Variants in WDR7 observed in about 807,000 individuals in gnomAD.
WDR7 encodes the protein WD repeat-containing protein 7.
A neutral mutation model predicts 169.4 loss-of-function variants in WDR7; 46 were observed. That is an observed-to-expected ratio of 0.27 (90% confidence interval 0.21 to 0.35). WDR7 has a LOEUF of 0.35. WDR7 is among the 10% of genes least tolerant of loss of function. The pLI, the probability that WDR7 is intolerant of heterozygous loss-of-function variation, is 1.00. For missense variants in WDR7, 1,534 were observed against 1,859.3 expected, an observed-to-expected ratio of 0.83 and a Z score of 3.22; for synonymous variants, 612 against 666.8, an observed-to-expected ratio of 0.92 and a Z score of 1.27.
chr18:56,736,546 A>G lies in WDR7; in HGVS notation c.1989+4949A>G, dbSNP rs963863870. 1.2e-4 allele frequency among the ~76,000 whole-genome samples: 18 copies of G among 151,250 alleles called. 1 individual carries two copies. The highest frequency in any genetic ancestry group is 4.1e-4 in the African/African-American group (17 of 41,026). ...ATGAGCCAGTGAGAAGCAGAGAAAGAGAAATCATACAGACGGATTCTAGAT... is the reference window on the plus strand; with the variant it reads ...ATGAGCCAGTGAGAAGCAGAGAAAGGGAAATCATACAGACGGATTCTAGAT... On this transcript the variant is annotated intron_variant, in intron 14 of 27. Transcript: ENST00000254442.
At chr18:56,688,250 A>T (rs758636111) in intron 7 of WDR7, among the ~76,000 whole-genome samples, 6 of 152,108 alleles carry the variant, frequency 3.9e-5, no homozygotes, top group Non-Finnish European at 7.3e-5. Flanking sequence ...TGAGCTTAGA[A>T]CACAAGGGGA....
At chr18:56,792,897 T>C (rs2044516893) in intron 19 of WDR7, among the ~76,000 whole-genome samples, 1 of 152,172 alleles carries the variant, frequency 6.6e-6, no homozygotes, top group Admixed American at 6.5e-5. Context: ...TTTGTTGTCA[T>C]GCGGGACAAC....
downstream of WDR7, chr18:57,030,712 TC>T (rs2048436672): frequency 6.6e-6 from 1 of 152,136 alleles, no homozygotes; most frequent in African/African-American, 2.4e-5. Flanking sequence ...GCCAAGATAA[TC>T]CAAGCTGCAC....
At chr18:56,843,019 C>CT (rs1300117327) in intron 20 of WDR7, among the ~76,000 whole-genome samples, 1 of 152,034 alleles carries the variant, frequency 6.6e-6, no homozygotes, top group East Asian at 1.9e-4. Flanking sequence ...TAAACTAGTG[C>CT]TATAAGCAGC....
intron 20 of WDR7, among the ~76,000 whole-genome samples, chr18:56,851,696 G>T (rs746764679): frequency 3.3e-5 from 5 of 152,020 alleles, no homozygotes; most frequent in African/African-American, 7.3e-5. Context: ...AAAATGTCAG[G>T]GTTATGAATG....
chr18:56,821,877 T>C (rs1466761471), intron 20 of WDR7, among the ~76,000 whole-genome samples: 2 of 151,872 alleles, frequency 1.3e-5, no homozygotes, highest in Non-Finnish European at 2.9e-5. Flanking sequence ...TGCGCACCTG[T>C]GGTCCCAGCT....
Position 56,682,928 on chromosome 18 carries a change from A to G in WDR7, c.520+75A>G, listed in dbSNP as rs1252756898. ...AGTTTACTAGAACATTCTACAATTT[A>G]TCATAAATTAATACTTTGGGATATA... is the stretch of plus-strand genomic sequence containing the variant. On this transcript the variant is annotated intron_variant, in intron 5 of 27. Coordinates refer to ENST00000254442, the MANE Select transcript of WDR7 (RefSeq NM_015285.3). 10 of 1,423,298 alleles carry G rather than the reference A, an allele frequency of 7.0e-6. No homozygotes were observed. In the East Asian group the frequency reaches 1.6e-4, roughly 23 times the overall value. 88.2% of individuals were successfully genotyped at this position (1,423,298 alleles called of 1,614,324 possible).
chr18:56,998,730 A>G (rs963499234), intron 26 of WDR7, among the ~76,000 whole-genome samples: 2 of 152,234 alleles, frequency 1.3e-5, no homozygotes, highest in Non-Finnish European at 2.9e-5. Context: ...TAAATTGTGT[A>G]CATAGAATGT....
chr18:56,915,574 C>T (rs1487662180), intron 21 of WDR7, among the ~76,000 whole-genome samples: 1 of 152,054 alleles, frequency 6.6e-6, no homozygotes, highest in Admixed American at 6.6e-5. Flanking sequence ...TGATGATTTT[C>T]TTTTAAGTAT....
intron 20 of WDR7, among the ~76,000 whole-genome samples, chr18:56,845,982 A>G (rs1293581818): frequency 6.6e-6 from 1 of 152,206 alleles, no homozygotes; most frequent in Non-Finnish European, 1.5e-5. Flanking sequence ...TTTAGTGAAC[A>G]TTGCTTTTTA....
At chr18:56,780,143 A>G (rs2044295243) in intron 18 of WDR7, among the ~76,000 whole-genome samples, 1 of 152,232 alleles carries the variant, frequency 6.6e-6, no homozygotes, top group South Asian at 2.1e-4. Context: ...CAGGAAGTAC[A>G]GTACCTGACA....
chr18:56,861,247 C>G (rs187562838), intron 20 of WDR7, among the ~76,000 whole-genome samples: 1 of 152,068 alleles, frequency 6.6e-6, no homozygotes, highest in Non-Finnish European at 1.5e-5. Flanking sequence ...TTTTTCATGC[C>G]GGCGTGTGAG....
intron 20 of WDR7, among the ~76,000 whole-genome samples, chr18:56,817,161 A>C (rs780568436): frequency 6.6e-6 from 1 of 152,030 alleles, no homozygotes; most frequent in South Asian, 2.1e-4. Flanking sequence ...CCTGGCCAAC[A>C]TGGCAAAATC....
chr18:56,860,304 A>G (rs1280976115), intron 20 of WDR7, among the ~76,000 whole-genome samples: 1 of 152,202 alleles, frequency 6.6e-6, no homozygotes, highest in Non-Finnish European at 1.5e-5. Flanking sequence ...TCATGAGTGC[A>G]TGCTTCAATA....
At chr18:56,884,010 TTCC>T (rs2046151129) in intron 21 of WDR7, among the ~76,000 whole-genome samples, 1 of 152,018 alleles carries the variant, frequency 6.6e-6, no homozygotes, top group Non-Finnish European at 1.5e-5. Context: ...ATGACTTGTT[TTCC>T]TCTGGGTAGA....
intron 7 of WDR7, among the ~76,000 whole-genome samples, chr18:56,688,559 T>C (rs3017383): frequency 5.9e-5 from 1 of 16,982 alleles, no homozygotes; most frequent in African/African-American, 1.4e-4. Context: ...CTACTAAAAA[T>C]ACAAAAAAAA....
chr18:56,908,345 C>T (rs548134339), intron 21 of WDR7, among the ~76,000 whole-genome samples: 1 of 152,298 alleles, frequency 6.6e-6, no homozygotes, highest in South Asian at 2.1e-4. Context: ...CCTTGGGAAA[C>T]TCTGCCAATC....
At chr18:56,906,565 T>C (rs2046479664) in intron 21 of WDR7, among the ~76,000 whole-genome samples, 2 of 145,712 alleles carry the variant, frequency 1.4e-5, no homozygotes, top group Admixed American at 1.4e-4. Flanking sequence ...TTTTTTGAGA[T>C]GGAATTTCAC....
At chr18:56,967,685 C>T (rs1339511468) in intron 26 of WDR7, among the ~76,000 whole-genome samples, 6 of 152,168 alleles carry the variant, frequency 3.9e-5, no homozygotes, top group South Asian at 2.1e-4. Context: ...TAGCTTTCCT[C>T]GTGAAGTTTG....
Sources: allele counts gnomAD v4.1 joint callset (sites outside exome capture counted in the v4.1 genomes callset), GRCh38; gene constraint gnomAD v4.1.1; transcripts MANE v1.5; gene names NCBI Gene and HGNC (gene_info 2026-07-23, HGNC 2026-07-21).